The following EPHB4 variants were observed in gnomAD, a reference collection of about 807,000 sequenced individuals.
EPHB4 encodes the protein ephrin type-B receptor 4.
In EPHB4, 50 loss-of-function variants were observed where a neutral mutation model predicts 110.6. The ratio of observed to expected loss-of-function variants is 0.45; its 90% CI spans 0.36 to 0.57. The LOEUF is 0.57. Ranked by LOEUF, EPHB4 falls within the 20% of genes least tolerant of loss-of-function variation. EPHB4 has a pLI of 0.00. For missense variants in EPHB4, 1,128 were observed against 1,382.1 expected (o/e 0.82, Z 2.91); for synonymous variants, 592 against 578.4 (o/e 1.02, Z -0.34).
chr7:100,814,381 G>A (rs751424052), intron 8 of EPHB4, among the ~76,000 whole-genome samples: 1 of 152,158 alleles, frequency 6.6e-6, no homozygotes, highest in Non-Finnish European at 1.5e-5. Context: ...CGGGTTCTGC[G>A]ATTCTCCTGC....
rs1331371272 is a variant in EPHB4 at position 100,807,412 on chromosome 7, G to A, written c.2287C>T (p.Arg763Ter). 1.2e-6 allele frequency: 2 copies of A among 1,613,978 alleles called. No individual in the cohort carries two copies. Among genetic ancestry groups the A allele is most frequent in the Non-Finnish European group, 1.7e-6 (2 of 1,179,990 alleles). ...VCKVSDFGLS[R>*]FLEENSSDPT... Reference sequence around the variant, plus strand: ...TCGGAAGAGTTCTCCTCCAGGAATCGGGAAAGGCCAAAGTCAGACACTTTG... The same window carrying A: ...TCGGAAGAGTTCTCCTCCAGGAATCAGGAAAGGCCAAAGTCAGACACTTTG... The change falls in exon 13 of 17, where the codon CGA becomes TGA. Residue 763 changes from arginine (R) to a stop codon, truncating the protein, a stop_gained. Coordinates refer to ENST00000358173, the MANE Select transcript of EPHB4 (RefSeq NM_004444.5). LOFTEE classifies it high-confidence loss of function.
intron 8 of EPHB4, among the ~76,000 whole-genome samples, chr7:100,816,787 T>C (rs965117977): frequency 1.1e-4 from 17 of 151,944 alleles, no homozygotes; most frequent in African/African-American, 4.1e-4. Context: ...AAGAAGGACA[T>C]GAAGATAGGA....
intron 12 of EPHB4, among the ~76,000 whole-genome samples, chr7:100,810,710 C>T (rs1018112804): frequency 1.3e-5 from 2 of 152,002 alleles, no homozygotes; most frequent in African/African-American, 4.8e-5. Context: ...CACCACTGCA[C>T]TCTAAACTGG....
intron 14 of EPHB4, 78 bp downstream of exon 14, chr7:100,806,342 C>G: frequency 1.3e-6 from 2 of 1,530,080 alleles, no homozygotes; most frequent in South Asian, 2.5e-5. Context: ...TGATGACTCT[C>G]TGGGAACCCA....
At chr7:100,812,430 A>C (rs1345867370) in intron 12 of EPHB4, among the ~76,000 whole-genome samples, 2 of 152,004 alleles carry the variant, frequency 1.3e-5, no homozygotes, top group African/African-American at 4.8e-5. Flanking sequence ...TGTCTACTAA[A>C]AATACAAAAA....
intron 1 of EPHB4, among the ~76,000 whole-genome samples, chr7:100,825,984 G>T (rs1263716743): frequency 6.6e-6 from 1 of 152,198 alleles, no homozygotes; most frequent in Non-Finnish European, 1.5e-5. Flanking sequence ...CCAGCCCAGG[G>T]CAGTCCTGCC....
intron 12 of EPHB4, among the ~76,000 whole-genome samples, chr7:100,812,137 A>T (rs1162541112): frequency 6.6e-6 from 1 of 151,214 alleles, no homozygotes; most frequent in Non-Finnish European, 1.5e-5. Context: ...TTGCCATTGC[A>T]CTCCGGCCTG....
chr7:100,803,784 A>C (rs1812753055), intron 16 of EPHB4, among the ~76,000 whole-genome samples, 194 bp from the exon 17 acceptor site: 1 of 152,076 alleles, frequency 6.6e-6, no homozygotes, highest in South Asian at 2.1e-4. Flanking sequence ...GCAACCGCAG[A>C]AGGGGGTAGG....
In EPHB4 at chr7:100,818,533, T is replaced by C. The variant is rs1413925226; in HGVS notation, c.1409A>G (p.Lys470Arg). The change falls in exon 7 of 17, where the codon AAA (lysine) becomes AGA (arginine). Residue 470 changes from lysine to arginine, a missense_variant. Lys to Arg is a conservative substitution (Grantham distance 26, BLOSUM62 2). This residue lies in a region of EPHB4 where 728 missense variants were observed against 828.6 expected (regional missense o/e 0.88). Coordinates refer to ENST00000358173, the MANE Select transcript of EPHB4 (RefSeq NM_004444.5). The stretch of plus-strand genomic sequence containing the variant: ...GGATGGCCTTACCTTCTCATGGTAT[T>C]TGACCTCGTAGTCCAGCACAGCCCC... Reference protein sequence around the residue: ...PSGAVLDYEVKYHEKGAEGPS... With the variant: ...PSGAVLDYEVRYHEKGAEGPS... 10 of 1,614,042 alleles carry C rather than the reference T, an allele frequency of 6.2e-6. No homozygotes were observed. The highest frequency in any genetic ancestry group is 8.5e-6 in the Non-Finnish European group (10 of 1,179,990).
chr7:100,822,800 G>A lies in EPHB4; in HGVS notation c.412-133C>T. On this transcript the variant is annotated intron_variant, in intron 3 of 16. Transcript: ENST00000358173. The surrounding 1 kb of genome is among the most constrained non-coding windows in gnomAD (Gnocchi z 4.7). ...CAGAATCTTCCCTCCACCTTCCCCAGGGCACACTTTCTGCAGGCCCCCACA... is the reference window on the plus strand; with the variant it reads ...CAGAATCTTCCCTCCACCTTCCCCAAGGCACACTTTCTGCAGGCCCCCACA... The A allele has an allele frequency of 1.5e-6, 2 of 1,344,696 alleles. No homozygotes were observed. The highest frequency in any genetic ancestry group is 3.1e-5 in the South Asian group (2 of 64,718). 83.3% of individuals were successfully genotyped at this position (1,344,696 alleles called of 1,614,324 possible).
At chr7:100,826,655 A>C (rs1813405364) in intron 1 of EPHB4, among the ~76,000 whole-genome samples, 1 of 152,016 alleles carries the variant, frequency 6.6e-6, no homozygotes, top group African/African-American at 2.4e-5. Flanking sequence ...CTTTGCAGAT[A>C]GTTTTGAATA....
intron 10 of EPHB4, 29 bp from the exon 11 acceptor site, chr7:100,813,237 T>C (rs1175489659): frequency 1.3e-6 from 2 of 1,578,606 alleles, no homozygotes; most frequent in Admixed American, 3.4e-5. Flanking sequence ...CCCCGTCAGC[T>C]GGGAATTAAC....
intron 1 of EPHB4, chr7:100,825,136 G>C (rs1312183648): frequency 6.6e-6 from 1 of 152,182 alleles, no homozygotes; most frequent in Admixed American, 6.6e-5. Context: ...GAAGGGTGGA[G>C]AGGGGAGCCA....
rs314365 is a variant in EPHB4 at position 100,818,732 on chromosome 7, G to C, written c.1298-88C>G. ...AAATTTTTTTTTTCGAGACGGAGTC[G>C]TGCTCTATCACCCAGGCTGGAGTGC... On this transcript the variant is annotated intron_variant, in intron 6 of 16. Coordinates refer to ENST00000358173, the MANE Select transcript of EPHB4 (RefSeq NM_004444.5). 0.47 allele frequency: 687,906 copies of C among 1,453,604 alleles called. 173,738 individuals are homozygous for C. Among genetic ancestry groups the C allele is most frequent in the Middle Eastern group, 0.6 (3,351 of 5,618 alleles). The allele number at this position is 1,453,604 out of a possible 1,614,324, so 90.0% of individuals were successfully genotyped here. A position where few individuals can be genotyped will look rare whatever the true frequency, so the allele number is the denominator to read the frequency against.
intron 1 of EPHB4, among the ~76,000 whole-genome samples, chr7:100,826,417 C>T (rs1441101234): frequency 6.6e-6 from 1 of 152,018 alleles, no homozygotes; most frequent in Non-Finnish European, 1.5e-5. Context: ...CCACCCTATA[C>T]CAGGGGCAGG....
intron 4 of EPHB4, chr7:100,821,172 C>A (rs1453565194): frequency 6.6e-6 from 1 of 151,344 alleles, no homozygotes; most frequent in East Asian, 2.1e-4. Context: ...ATGATCTCGG[C>A]TTACCGCAAC....
Position 100,822,814 on chromosome 7 carries a change from C to A in EPHB4, c.412-147G>T. The A allele has an allele frequency of 1.6e-6, 2 of 1,250,012 alleles. No individual in the cohort carries two copies. Among genetic ancestry groups the A allele is most frequent in the Non-Finnish European group, 2.1e-6 (2 of 933,056 alleles). The allele number at this position is 1,250,012 out of a possible 1,614,324, so 77.4% of individuals were successfully genotyped here. The stretch of plus-strand genomic sequence containing the variant: ...CACCTTCCCCAGGGCACACTTTCTG[C>A]AGGCCCCCACACTGTCCATTCAGCC... On this transcript the variant is annotated intron_variant, in intron 3 of 16. Transcript: ENST00000358173. This position sits in a 1 kb window ranked among gnomAD's most constrained non-coding sequence, Gnocchi z 4.7.
Position 100,814,006 on chromosome 7 carries a change from C to A in EPHB4, c.1604G>T (p.Arg535Leu). 6.2e-7 allele frequency: 1 copy of A among 1,614,116 alleles called. No individual in the cohort carries two copies. The highest frequency in any genetic ancestry group is 8.5e-7 in the Non-Finnish European group (1 of 1,180,030). ...QTQLDESEGW[R>L]EQLALIAGTA... ...GCCCGCAATCAGGGCCAGCTGCTCC[C>A]GCCAGCCCTCGCTCTCTGCGGAAGG... Residue 535 changes from arginine to leucine, a missense_variant, in exon 9 of 17, where the codon CGG (arginine) becomes CTG (leucine). This residue lies in a region of EPHB4 where 728 missense variants were observed against 828.6 expected (regional missense o/e 0.88). Transcript: ENST00000358173.
chr7:100,804,614 C>T (rs1812775213), intron 16 of EPHB4, among the ~76,000 whole-genome samples: 1 of 152,162 alleles, frequency 6.6e-6, no homozygotes, highest in Non-Finnish European at 1.5e-5. Flanking sequence ...CATGCCCGGC[C>T]TTCAGATTTC....
Sources: allele counts gnomAD v4.1 joint callset (sites outside exome capture counted in the v4.1 genomes callset), GRCh38; gene constraint gnomAD v4.1.1; regional missense constraint gnomAD v4.1.1; non-coding constraint Gnocchi (gnomAD v3.1); transcripts MANE v1.5; gene names NCBI Gene and HGNC (gene_info 2026-07-23, HGNC 2026-07-21).